Variants in ARHGEF3 observed in about 807,000 individuals in gnomAD.
ARHGEF3 encodes Rho guanine nucleotide exchange factor 3.
In ARHGEF3, 28 loss-of-function variants were observed where a neutral mutation model predicts 63.2. The observed-to-expected ratio is 0.44, with a 90% CI of 0.33 to 0.61. The LOEUF is 0.61. ARHGEF3 is among the 20% of genes least tolerant of loss of function. ARHGEF3 has a pLI of 0.03. For missense variants in ARHGEF3, 533 were observed against 659.3 expected, an observed-to-expected ratio of 0.81 and a Z score of 2.10; for synonymous variants, 266 against 254.2, an observed-to-expected ratio of 1.05 and a Z score of -0.44.
At chr3:57,047,747 T>G (rs1232322842) in intron 1 of ARHGEF3, among the ~76,000 whole-genome samples, 1 of 152,148 alleles carries the variant, frequency 6.6e-6, no homozygotes, top group Non-Finnish European at 1.5e-5. Context: ...TGCTGTCGAT[T>G]TTGGGAGCTG....
At chr3:57,057,757 T>G (rs1392885003) in intron 1 of ARHGEF3, among the ~76,000 whole-genome samples, 1 of 152,184 alleles carries the variant, frequency 6.6e-6, no homozygotes, top group Admixed American at 6.5e-5. Context: ...CTCAACCCAG[T>G]GAAGCGAACT....
chr3:56,983,352 T>C lies in ARHGEF3; in HGVS notation c.63-24463A>G, dbSNP rs539834165. On this transcript the variant is annotated intron_variant, in intron 2 of 12. Coordinates refer to the ARHGEF3 transcript ENST00000338458. ...TCAGATGGACCATGGGCTCTTGGGGTCTCCATCCCTCCCCACTGTGACCCC... is the reference window on the plus strand; with the variant it reads ...TCAGATGGACCATGGGCTCTTGGGGCCTCCATCCCTCCCCACTGTGACCCC... Among the ~76,000 whole-genome samples, 168 of 151,898 alleles carry C rather than the reference T, an allele frequency of 1.1e-3. 1 individual carries two copies. Among genetic ancestry groups the C allele is most frequent in the African/African-American group, 3.8e-3 (158 of 41,416 alleles).
intron 1 of ARHGEF3, among the ~76,000 whole-genome samples, chr3:57,059,249 G>A (rs900867576): frequency 2.0e-5 from 3 of 151,752 alleles, no homozygotes; most frequent in African/African-American, 7.3e-5. Context: ...ATAAGCACAG[G>A]GAAAAAATTT....
At chr3:57,019,340 A>G (rs1703150622) in intron 2 of ARHGEF3, among the ~76,000 whole-genome samples, 1 of 151,718 alleles carries the variant, frequency 6.6e-6, no homozygotes. Flanking sequence ...CAGGTTTCTT[A>G]TTTTTTCCCT....
At chr3:57,015,095 G>A (rs1032183004) in intron 2 of ARHGEF3, among the ~76,000 whole-genome samples, 1 of 152,094 alleles carries the variant, frequency 6.6e-6, no homozygotes, top group African/African-American at 2.4e-5. Context: ...AGGGCCTGAG[G>A]GCCAAATCCA....
chr3:56,898,607 G>A, intron 3 of ARHGEF3: 1 of 287,802 alleles, frequency 3.5e-6, no homozygotes, highest in African/African-American at 2.2e-5. Flanking sequence ...GTAAGTATCA[G>A]CTGTTTTCTT....
chr3:56,883,331 C>T (rs2040830342), intron 3 of ARHGEF3, among the ~76,000 whole-genome samples: 1 of 151,278 alleles, frequency 6.6e-6, no homozygotes, highest in Non-Finnish European at 1.5e-5. Context: ...ACAGGGTCTC[C>T]CTCTGTTGCC....
At chr3:56,760,433 C>T (rs1330204961) in intron 2 of ARHGEF3, among the ~76,000 whole-genome samples, 2 of 152,140 alleles carry the variant, frequency 1.3e-5, no homozygotes, top group Non-Finnish European at 2.9e-5. Flanking sequence ...AAAAAGAGAG[C>T]AGTAAGCTGT....
At chr3:56,908,077 GC>G (rs2041750839) in intron 3 of ARHGEF3, among the ~76,000 whole-genome samples, 1 of 152,140 alleles carries the variant, frequency 6.6e-6, no homozygotes, top group Non-Finnish European at 1.5e-5. Context: ...ACCCTTCCCT[GC>G]CCCAGGCAGA....
intron 2 of ARHGEF3, chr3:56,977,265 G>T (rs1330977290): frequency 2.2e-6 from 1 of 456,668 alleles, no homozygotes. Flanking sequence ...TATCAGCTAC[G>T]TGCTACTTAC....
intron 1 of ARHGEF3, chr3:57,074,124 T>C (rs1706090432): frequency 6.2e-6 from 10 of 1,613,664 alleles, no homozygotes; most frequent in Admixed American, 5.0e-5. Flanking sequence ...CACAGGATGG[T>C]TGTGGAGACT....
intron 2 of ARHGEF3, among the ~76,000 whole-genome samples, chr3:57,014,381 C>G (rs757141112): frequency 3.6e-4 from 55 of 152,086 alleles, no homozygotes; most frequent in Non-Finnish European, 4.9e-4. Flanking sequence ...CCTTCCAAAC[C>G]ACGCCCCTTC....
In ARHGEF3 at chr3:56,813,300, T is replaced by C. The variant is rs555486195; in HGVS notation, c.193-39484A>G. On this transcript the variant is annotated intron_variant, in intron 4 of 12. Transcript: ENST00000338458. ...GGGAAGGCTGGGTTTTTATGATTCA[T>C]GGGAGGAGGAGAATTTGATCTGTAT... 2.2e-4 allele frequency among the ~76,000 whole-genome samples: 33 copies of C among 152,328 alleles called. No homozygotes were observed. The East Asian group carries it at 4.8e-3, about 22-fold the overall frequency.
At chr3:56,733,237 C>T (rs1307545569) in intron 8 of ARHGEF3, among the ~76,000 whole-genome samples, 7 of 146,746 alleles carry the variant, frequency 4.8e-5, no homozygotes, top group African/African-American at 1.5e-4. Context: ...GAGCTGAGGT[C>T]GTGCCACTGC....
chr3:56,956,013 A>G (rs1700027075), intron 3 of ARHGEF3, among the ~76,000 whole-genome samples: 1 of 152,226 alleles, frequency 6.6e-6, no homozygotes, highest in African/African-American at 2.4e-5. Flanking sequence ...AATTTTACCA[A>G]TAAGCCTCAG....
At chr3:56,778,918 C>A (rs1257494778) in intron 1 of ARHGEF3, among the ~76,000 whole-genome samples, 1 of 152,162 alleles carries the variant, frequency 6.6e-6, no homozygotes, top group Non-Finnish European at 1.5e-5. Flanking sequence ...AGGAAGTCAG[C>A]TGTATTCGGT....
intron 4 of ARHGEF3, among the ~76,000 whole-genome samples, chr3:56,863,023 G>A (rs888179131): frequency 6.6e-6 from 1 of 152,116 alleles, no homozygotes; most frequent in Admixed American, 6.5e-5. Flanking sequence ...ATACAGTGGT[G>A]CCCCCTAACC....
chr3:56,863,861 C>CA (rs1169821597), intron 4 of ARHGEF3, among the ~76,000 whole-genome samples: 4 of 152,134 alleles, frequency 2.6e-5, no homozygotes, highest in Non-Finnish European at 4.4e-5. Flanking sequence ...AACTGAGACC[C>CA]AGAGAGGTGA....
chr3:57,024,577 T>C (rs1454147773), intron 2 of ARHGEF3, among the ~76,000 whole-genome samples: 1 of 152,098 alleles, frequency 6.6e-6, no homozygotes, highest in East Asian at 1.9e-4. Flanking sequence ...AAGCGCTGCC[T>C]CCCGGGTTCA....
Sources: gnomAD v4.1 joint callset for allele counts (sites outside exome capture counted in the v4.1 genomes callset) on GRCh38, gnomAD v4.1.1 for gene constraint, MANE v1.5 for transcripts, NCBI Gene and HGNC (gene_info 2026-07-23, HGNC 2026-07-21) for gene names.